TRIM41: variants seen among roughly 807,000 people sequenced by gnomAD.
TRIM41 encodes the protein tripartite motif containing 41, also known as E3 ubiquitin-protein ligase TRIM41.
A neutral mutation model predicts 60.6 loss-of-function variants in TRIM41; 21 were observed. The ratio of observed to expected loss-of-function variants is 0.35; its 90% confidence interval spans 0.25 to 0.50. The LOEUF is 0.50. TRIM41 is among the 20% of genes least tolerant of loss of function. The probability of loss-of-function intolerance (pLI) is 0.98; values close to 1 mark genes in which losing one functional copy is unlikely to be tolerated. For synonymous variants in TRIM41, 407 were observed against 344.9 expected (o/e 1.18, Z -2.00); for missense variants, 846 against 868.3 (o/e 0.97, Z 0.32).
Position 181,234,509 on chromosome 5 carries a change from C to G in TRIM41, c.1627C>G (p.Pro543Ala), listed in dbSNP as rs1320395149. The G allele has an allele frequency of 1.2e-6, 2 of 1,614,044 alleles. No individual in the cohort carries two copies. The highest frequency in any genetic ancestry group is 2.2e-5 in the East Asian group (1 of 44,886). The change falls in exon 6 of 6, where the codon CCC (proline) becomes GCC (alanine). Residue 543 changes from proline to alanine, a missense_variant. Pro to Ala is a conservative substitution (Grantham distance 27). Coordinates refer to ENST00000315073, the MANE Select transcript of TRIM41 (RefSeq NM_033549.5). The surrounding 1 kb of genome is among the most constrained non-coding windows in gnomAD (Gnocchi z 5.6). ...RRRRLHLPQQ[P>A]LLQREVWCVG... ...CCGCCGGCTCCACCTGCCCCAGCAG[C>G]CCCTGCTCCAGCGGGAAGTGTGGTG... is the stretch of plus-strand genomic sequence containing the variant.
In TRIM41 at chr5:181,235,176, G is replaced by A. The variant is rs929480405; in HGVS notation, c.*401G>A. 3.4e-5 allele frequency: 52 copies of A among 1,535,702 alleles called. No homozygotes were observed. In the Middle Eastern group the frequency reaches 7.3e-4, roughly 22 times the overall value. Reference sequence around the variant, plus strand: ...TATCAGTTCTGAGGCTGGAGGGTTTGGGCAAGGCAACATCCCCATTCCAAT... The same window carrying A: ...TATCAGTTCTGAGGCTGGAGGGTTTAGGCAAGGCAACATCCCCATTCCAAT... On this transcript the variant is annotated 3_prime_UTR_variant, in exon 6 of 6. Coordinates refer to ENST00000315073, the MANE Select transcript of TRIM41 (RefSeq NM_033549.5).
intron 1 of TRIM41, chr5:181,226,491 G>C (rs540244184): frequency 6.6e-6 from 1 of 152,348 alleles, no homozygotes; most frequent in African/African-American, 2.4e-5. Context: ...TAGAGTTTCT[G>C]AATCAGTGAG....
At position 181,234,979 on chromosome 5, in the gene TRIM41, C is replaced by T. The variant is rs767984175; in HGVS notation, c.*204C>T. ...CTCCAGCTCAGCCTTCTCTCACCTA[C>T]TATGTCTGTCCAACAGGTCTGCATG... is the stretch of plus-strand genomic sequence containing the variant. On this transcript the variant is annotated 3_prime_UTR_variant, in exon 6 of 6. Coordinates refer to ENST00000315073, the MANE Select transcript of TRIM41 (RefSeq NM_033549.5). The surrounding 1 kb of genome is among the most constrained non-coding windows in gnomAD (Gnocchi z 5.6). 4 of 1,614,154 alleles carry T rather than the reference C, an allele frequency of 2.5e-6. No individual in the cohort carries two copies. The East Asian group carries it at 6.7e-5, about 27-fold the overall frequency.
Position 181,233,595 on chromosome 5 carries a change from A to C in TRIM41, c.1164-41A>C, listed in dbSNP as rs759940540. The C allele has an allele frequency of 6.2e-6, 10 of 1,611,956 alleles. No individual in the cohort carries two copies. The South Asian group carries it at 9.9e-5, about 16-fold the overall frequency. On this transcript the variant is annotated intron_variant, in intron 4 of 5. Transcript: ENST00000315073. This position sits in a 1 kb window ranked among gnomAD's most constrained non-coding sequence, Gnocchi z 4.1. Reference sequence around the variant, plus strand: ...CTCAGCTTTTGCTTTTCCCTCTGGGAATATCGTGGTCCCACCCCCTGCCCG... The same window carrying C: ...CTCAGCTTTTGCTTTTCCCTCTGGGCATATCGTGGTCCCACCCCCTGCCCG...
chr5:181,227,921 C>A (rs1355743204), intron 1 of TRIM41: 1 of 151,696 alleles, frequency 6.6e-6, no homozygotes, highest in African/African-American at 2.4e-5. Context: ...GAGGTGTGTG[C>A]CATCATGCCC....
chr5:181,233,458 T>G lies in TRIM41; in HGVS notation c.1163+23T>G. 1 of 1,614,144 alleles carries G rather than the reference T, an allele frequency of 6.2e-7. No individual in the cohort carries two copies. On this transcript the variant is annotated intron_variant, in intron 4 of 5. Transcript: ENST00000315073. The surrounding 1 kb of genome is among the most constrained non-coding windows in gnomAD (Gnocchi z 4.1). Reference sequence around the variant, plus strand: ...TAGGTGTGTTCCCAGTCTTTGCCCTTCGTGACCCAGTGGCATCTGGTTCCC... The same window carrying G: ...TAGGTGTGTTCCCAGTCTTTGCCCTGCGTGACCCAGTGGCATCTGGTTCCC...
intron 1 of TRIM41, chr5:181,226,866 T>G (rs1307353050): frequency 1.2e-5 from 1 of 85,870 alleles, no homozygotes; most frequent in African/African-American, 5.2e-5. Flanking sequence ...TAATCTCTTT[T>G]CTTTTCCCCC....
Position 181,234,859 on chromosome 5 carries a change from G to C in TRIM41, c.*84G>C. Reference sequence around the variant, plus strand: ...TGGCCCGTAAGTTTGAGGGCTCAAAGGCTCTTCCCACTGCTTGTTACTGTG... The same window carrying C: ...TGGCCCGTAAGTTTGAGGGCTCAAACGCTCTTCCCACTGCTTGTTACTGTG... On this transcript the variant is annotated 3_prime_UTR_variant, in exon 6 of 6. Transcript: ENST00000315073. This position sits in a 1 kb window ranked among gnomAD's most constrained non-coding sequence, Gnocchi z 5.6. The C allele has an allele frequency of 6.2e-7, 1 of 1,610,468 alleles. No individual in the cohort carries two copies. The highest frequency in any genetic ancestry group is 1.1e-5 in the South Asian group (1 of 90,936).
At position 181,234,952 on chromosome 5, in the gene TRIM41, G is replaced by GC. The variant is rs752368982; in HGVS notation, c.*179dup. ...TCTAGGAGCCTAAAGAACCCTCCTG[G>GC]CCTCCAGCTCAGCCTTCTCTCACCT... On this transcript the variant is annotated 3_prime_UTR_variant, in exon 6 of 6. Coordinates refer to ENST00000315073, the MANE Select transcript of TRIM41 (RefSeq NM_033549.5). This position sits in a 1 kb window ranked among gnomAD's most constrained non-coding sequence, Gnocchi z 5.6. 1.2e-6 allele frequency: 2 copies of GC among 1,613,926 alleles called. No individual in the cohort carries two copies. The highest frequency in any genetic ancestry group is 2.2e-5 in the South Asian group (2 of 91,076).
Position 181,232,799 on chromosome 5 carries a change from TAGTCGCCTTGCA to T in TRIM41, c.1051_1062del (p.Ser351_Ala354del), listed in dbSNP as rs1454747014. The stretch of plus-strand genomic sequence containing the variant: ...AGCTGGGGCGTGCGGGAGCCGCGGC[TAGTCGCCTTGCA>T]GAACAGGCCGCCCAGCTCAGCCGCC... On this transcript the variant is annotated inframe_deletion, in exon 3 of 6. Transcript: ENST00000315073. The T allele has an allele frequency of 2.5e-6, 4 of 1,603,400 alleles. No homozygotes were observed. Among genetic ancestry groups the T allele is most frequent in the Non-Finnish European group, 3.4e-6 (4 of 1,175,900 alleles).
At position 181,224,696 on chromosome 5, in the gene TRIM41, G is replaced by A. The variant is rs750409935; in HGVS notation, c.697G>A (p.Ala233Thr). 6.2e-7 allele frequency: 1 copy of A among 1,614,228 alleles called. No homozygotes were observed. The highest frequency in any genetic ancestry group is 8.5e-7 in the Non-Finnish European group (1 of 1,180,044). Residue 233 changes from alanine (A) to threonine (T), a missense_variant, in exon 1 of 6, where the codon GCC (alanine) becomes ACC (threonine). By Grantham distance (58) the Ala-to-Thr change is moderately conservative. Coordinates refer to ENST00000315073, the MANE Select transcript of TRIM41 (RefSeq NM_033549.5). ...DQGICPKHQE[A>T]LKLFCEVDEE... ...GGGCATCTGTCCCAAACACCAAGAA[G>A]CCCTGAAGCTCTTCTGCGAGGTAGA...
At chr5:181,229,584 G>C (rs1758703953) in intron 1 of TRIM41, 1 of 152,252 alleles carries the variant, frequency 6.6e-6, no homozygotes, top group Admixed American at 6.5e-5. Context: ...TTGGAAGAGG[G>C]GTTTCGGTGT....
At position 181,233,985 on chromosome 5, in the gene TRIM41, G is replaced by T. The variant is rs1758928066; in HGVS notation, c.1292-189G>T. On this transcript the variant is annotated intron_variant, in intron 5 of 5. Coordinates refer to ENST00000315073, the MANE Select transcript of TRIM41 (RefSeq NM_033549.5). The surrounding 1 kb of genome is among the most constrained non-coding windows in gnomAD (Gnocchi z 4.1). ...GAGTGGCAGGAAGAGCCAGGCTGGG[G>T]GAAGACCTGTCAGGTATCCTAGGAA... The T allele has an allele frequency of 1.8e-5, 21 of 1,190,700 alleles. No individual in the cohort carries two copies. Among genetic ancestry groups the T allele is most frequent in the Non-Finnish European group, 2.5e-5 (21 of 846,012 alleles). 73.8% of individuals were successfully genotyped at this position (1,190,700 alleles called of 1,614,324 possible).
chr5:181,224,918 G>A, intron 1 of TRIM41, 106 bp downstream of exon 1: 5 of 1,485,286 alleles, frequency 3.4e-6, no homozygotes, highest in Non-Finnish European at 4.6e-6. Flanking sequence ...GAACCTCATG[G>A]TATTGGTGAG....
chr5:181,234,861 C>A lies in TRIM41; in HGVS notation c.*86C>A. The A allele has an allele frequency of 6.2e-7, 1 of 1,610,642 alleles. No homozygotes were observed. Among genetic ancestry groups the A allele is most frequent in the Non-Finnish European group, 8.5e-7 (1 of 1,179,202 alleles). Reference sequence around the variant, plus strand: ...GCCCGTAAGTTTGAGGGCTCAAAGGCTCTTCCCACTGCTTGTTACTGTGTT... The same window carrying A: ...GCCCGTAAGTTTGAGGGCTCAAAGGATCTTCCCACTGCTTGTTACTGTGTT... On this transcript the variant is annotated 3_prime_UTR_variant, in exon 6 of 6. Transcript: ENST00000315073. This position sits in a 1 kb window ranked among gnomAD's most constrained non-coding sequence, Gnocchi z 5.6.
At chr5:181,231,746 C>T in intron 2 of TRIM41, 1 of 152,434 alleles carries the variant, frequency 6.6e-6, no homozygotes, top group Non-Finnish European at 1.5e-5. Context: ...GAGCTGTGTG[C>T]CCCTGGCATA....
rs750781781 is a variant in TRIM41, at chr5:181,224,344, C to T, written c.345C>T (p.Ser115=). ...GVFWTSGMSR[S]SWDNMDYVWE... ...TCTGGACCAGTGGCATGAGCAGGTCCAGCTGGGACAACATGGACTATGTGT... is the reference window on the plus strand; with the variant it reads ...TCTGGACCAGTGGCATGAGCAGGTCTAGCTGGGACAACATGGACTATGTGT... Residue 115 remains serine, a synonymous_variant, in exon 1 of 6, where the codon TCC becomes TCT. Coordinates refer to ENST00000315073, the MANE Select transcript of TRIM41 (RefSeq NM_033549.5). The T allele has an allele frequency of 8.8e-5, 142 of 1,613,582 alleles. 1 individual carries two copies. The highest frequency in any genetic ancestry group is 1.1e-4 in the Non-Finnish European group (133 of 1,179,900).
At position 181,234,479 on chromosome 5, in the gene TRIM41, C is replaced by T. The variant is rs763162000; in HGVS notation, c.1597C>T (p.Arg533Cys). Residue 533 changes from arginine to cysteine, a missense_variant, in exon 6 of 6, where the codon CGC (arginine) becomes TGC (cysteine). Transcript: ENST00000315073. The surrounding 1 kb of genome is among the most constrained non-coding windows in gnomAD (Gnocchi z 5.6). ...TGCCAGCTCCTCGCGCCATCACCATCGCCGCCGCCGGCTCCACCTGCCCCA... is the reference window on the plus strand; with the variant it reads ...TGCCAGCTCCTCGCGCCATCACCATTGCCGCCGCCGGCTCCACCTGCCCCA... ...GDASSSRHHH[R>C]RRRLHLPQQP... 5.5e-5 allele frequency: 89 copies of T among 1,613,250 alleles called. No individual in the cohort carries two copies. The South Asian group carries it at 5.6e-4, about 10-fold the overall frequency.
chr5:181,230,884 G>A, intron 2 of TRIM41, 45 bp downstream of exon 2: 1 of 1,567,304 alleles, frequency 6.4e-7, no homozygotes, highest in South Asian at 1.1e-5. Flanking sequence ...TACAGTCGAG[G>A]CAAGGAAGGT....
Sources: allele counts gnomAD v4.1 joint callset, GRCh38; gene constraint gnomAD v4.1.1; non-coding constraint Gnocchi (gnomAD v3.1); transcripts MANE v1.5; gene names NCBI Gene and HGNC (gene_info 2026-07-23, HGNC 2026-07-21).